The following ZNF846 variants were observed in gnomAD, a reference collection of about 807,000 sequenced individuals.
ZNF846 encodes the protein zinc finger protein 846, also known as zinc finger protein 420 pseudogene.
In ZNF846, 15 loss-of-function variants were observed where a neutral mutation model predicts 16.0. The ratio of observed to expected loss-of-function variants is 0.94; its 90% CI spans 0.63 to 1.45. The LOEUF is 1.45. ZNF846 is among the 40% of genes most tolerant of loss of function. ZNF846 has a pLI of 0.00. For synonymous variants in ZNF846, 229 were observed against 212.0 expected, an observed-to-expected ratio of 1.08 and a Z score of -0.70; for missense variants, 714 against 622.3, an observed-to-expected ratio of 1.15 and a Z score of -1.57.
upstream of ZNF846, among the ~76,000 whole-genome samples, chr19:9,773,576 G>A (rs1452950551): frequency 6.6e-6 from 1 of 152,152 alleles, no homozygotes; most frequent in Non-Finnish European, 1.5e-5. Flanking sequence ...GAGGTCAGGA[G>A]CTTGAGACCA....
At position 9,763,309 on chromosome 19, in the gene ZNF846, C is replaced by G. The variant is rs200997360; in HGVS notation, c.115G>C (p.Glu39Gln). ...AGTATAATGAGATTCTTGTAGTTCTCCAACATCACATCTCTGTAGAGATCT... is the reference window on the plus strand; with the variant it reads ...AGTATAATGAGATTCTTGTAGTTCTGCAACATCACATCTCTGTAGAGATCT... The change falls in exon 3 of 6, where the codon GAG becomes CAG. Residue 39 changes from glutamate (E) to glutamine (Q), a missense_variant. Physicochemically the swap from Glu to Gln is conservative, Grantham distance 29. Transcript: ENST00000397902. The G allele has an allele frequency of 1.1e-4, 173 of 1,604,676 alleles. No individual in the cohort carries two copies. The highest frequency in any genetic ancestry group is 1.3e-4 in the Non-Finnish European group (155 of 1,175,092).
downstream of ZNF846, among the ~76,000 whole-genome samples, chr19:9,753,613 TTTTCA>T (rs1446616643): frequency 6.6e-6 from 1 of 151,612 alleles, no homozygotes; most frequent in Non-Finnish European, 1.5e-5. Flanking sequence ...CATGTCTTTG[TTTTCA>T]TTTGTCTCAA....
chr19:9,751,000 A>G (rs924310541), downstream of ZNF846, among the ~76,000 whole-genome samples: 4 of 152,180 alleles, frequency 2.6e-5, no homozygotes, highest in African/African-American at 9.7e-5. Context: ...AACAGAGCTC[A>G]AAACCTCGCT....
At chr19:9,774,959 A>T (rs909709127) in intron 1 of ZNF846, 31 of 1,608,552 alleles carry the variant, frequency 1.9e-5, no homozygotes, top group Non-Finnish European at 2.5e-5. Flanking sequence ...CCTGTGGACT[A>T]AAATCTGCCA....
At chr19:9,766,431 C>T (rs895937028) in intron 1 of ZNF846, among the ~76,000 whole-genome samples, 4 of 146,002 alleles carry the variant, frequency 2.7e-5, no homozygotes, top group African/African-American at 1.0e-4. Flanking sequence ...AAAAAAAAAG[C>T]CACAGAAATA....
chr19:9,754,564 T>TAAAAAAAAAAAAAA (rs545236944), downstream of ZNF846, among the ~76,000 whole-genome samples: 4 of 88,696 alleles, frequency 4.5e-5, no homozygotes, highest in African/African-American at 2.1e-4. Context: ...GACTCTGTCT[T>TAAAAAAAAAAAAAA]AAAAAAAAAA....
At chr19:9,763,286 TATA>T (rs2045260580) in exon 3 of ZNF846, 2 of 1,590,468 alleles carry the variant, frequency 1.3e-6, no homozygotes. Context: ...TTTTACCTAG[TATA>T]ATGAGATTCT....
rs7248406 is a variant in ZNF846, at chr19:9,784,998, A to G, written c.-86+940T>C. ...GTTTCTTGTGTCTTCCTTTTTCTAC[A>G]TAGACACAGTAACAGTCTGATCTCT... On this transcript the variant is annotated intron_variant, in intron 1 of 4. Coordinates refer to the ZNF846 transcript ENST00000586814. 4.9e-3 allele frequency among the ~76,000 whole-genome samples: 743 copies of G among 152,244 alleles called. 6 individuals are homozygous for G. Among genetic ancestry groups the G allele is most frequent in the African/African-American group, 0.017 (711 of 41,550 alleles).
downstream of ZNF846, among the ~76,000 whole-genome samples, chr19:9,754,559 T>C (rs55731522): frequency 0.1 from 11,874 of 118,082 alleles, 918 homozygotes; most frequent in African/African-American, 0.23. Context: ...AGCGAGACTC[T>C]GTCTTAAAAA....
At chr19:9,757,439 G>A (rs1256972108), downstream of ZNF846, 1 of 1,481,550 alleles carries the variant, frequency 6.7e-7, no homozygotes, top group Non-Finnish European at 9.0e-7. Context: ...TTTTCCAGAT[G>A]AGTTTAGATG....
downstream of ZNF846, chr19:9,756,311 G>A (rs1248990158): frequency 1.4e-5 from 2 of 139,992 alleles, no homozygotes; most frequent in Non-Finnish European, 3.0e-5. Context: ...GTGTGTGTAT[G>A]TGTGTGTGCA....
upstream of ZNF846, among the ~76,000 whole-genome samples, chr19:9,770,630 G>A (rs1183554198): frequency 6.6e-6 from 1 of 152,014 alleles, no homozygotes; most frequent in Admixed American, 6.6e-5. Flanking sequence ...CATTTTGGGA[G>A]GCCGAGGCAG....
downstream of ZNF846, among the ~76,000 whole-genome samples, chr19:9,757,072 G>A (rs146012117): frequency 0.031 from 4,705 of 151,416 alleles, 107 homozygotes; most frequent in Non-Finnish European, 0.046. Flanking sequence ...GCACATGCCC[G>A]TAGTCCCAGC....
chr19:9,770,565 T>G (rs1332144303), upstream of ZNF846, among the ~76,000 whole-genome samples: 1 of 151,706 alleles, frequency 6.6e-6, no homozygotes, highest in Non-Finnish European at 1.5e-5. Flanking sequence ...CCTAAACACT[T>G]TTGTCAATAA....
chr19:9,763,498 A>G, intron 2 of ZNF846, 90 bp from the exon 3 acceptor site: 1 of 1,264,576 alleles, frequency 7.9e-7, no homozygotes. Flanking sequence ...GAAGACTAGA[A>G]GCCTGCAGTA....
At chr19:9,770,642 C>T (rs1047208136), upstream of ZNF846, among the ~76,000 whole-genome samples, 7 of 151,776 alleles carry the variant, frequency 4.6e-5, no homozygotes, top group Non-Finnish European at 7.4e-5. Flanking sequence ...CCGAGGCAGG[C>T]GGATCACCTG....
chr19:9,753,016 CT>C (rs953630127), downstream of ZNF846, among the ~76,000 whole-genome samples: 12 of 151,098 alleles, frequency 7.9e-5, 2 homozygotes, highest in African/African-American at 3.0e-4. Flanking sequence ...GATGAGGGCC[CT>C]TTTCCTGGTT....
intron 1 of ZNF846, among the ~76,000 whole-genome samples, chr19:9,782,981 G>A (rs2045516927): frequency 1.3e-5 from 2 of 151,618 alleles, no homozygotes; most frequent in Non-Finnish European, 2.9e-5. Context: ...GAGTGCAGTA[G>A]CATGATCATG....
At chr19:9,758,172 C>A (rs1442859918) in exon 6 of ZNF846, 11 of 1,613,206 alleles carry the variant, frequency 6.8e-6, no homozygotes, top group Non-Finnish European at 9.3e-6. Flanking sequence ...ACTGTGGATT[C>A]TTGTATGATC....
Sources: allele counts gnomAD v4.1 joint callset (sites outside exome capture counted in the v4.1 genomes callset), GRCh38; gene constraint gnomAD v4.1.1; transcripts MANE v1.5; gene names NCBI Gene and HGNC (gene_info 2026-07-23, HGNC 2026-07-21).